ATP9A: variants seen among roughly 807,000 people sequenced by gnomAD.
ATP9A encodes the protein ATPase phospholipid transporting 9A.
In ATP9A, 52 loss-of-function variants were observed where a neutral mutation model predicts 144.1. The observed-to-expected ratio is 0.36, with a 90% CI of 0.29 to 0.45. The LOEUF (loss-of-function observed/expected upper bound fraction) is 0.45. ATP9A is among the 20% of genes least tolerant of loss of function. ATP9A has a pLI of 1.00. For synonymous variants in ATP9A, 582 were observed against 557.4 expected (o/e 1.04, Z -0.62); for missense variants, 947 against 1,392.7 (o/e 0.68, Z 5.09).
intron 13 of ATP9A, among the ~76,000 whole-genome samples, chr20:51,658,908 C>T (rs796705103): frequency 5.5e-5 from 5 of 91,550 alleles, no homozygotes; most frequent in African/African-American, 2.4e-4. Context: ...GGGGGGAAGG[C>T]TCATTGTTGA....
chr20:51,707,935 G>A (rs79139308), intron 4 of ATP9A, among the ~76,000 whole-genome samples: 1,779 of 151,966 alleles, frequency 0.012, 41 homozygotes, highest in African/African-American at 0.041. Flanking sequence ...ATGTGATCAT[G>A]GCTTACTGCA....
chr20:51,614,992 T>TA (rs758303927), intron 22 of ATP9A, among the ~76,000 whole-genome samples: 3 of 145,884 alleles, frequency 2.1e-5, no homozygotes, highest in Non-Finnish European at 4.5e-5. Flanking sequence ...TGAGCATGAA[T>TA]ATTATCCAGT....
At chr20:51,631,590 C>T (rs997544635) in intron 15 of ATP9A, among the ~76,000 whole-genome samples, 2 of 152,186 alleles carry the variant, frequency 1.3e-5, no homozygotes, top group African/African-American at 2.4e-5. Context: ...AAGTTTATTT[C>T]GTTCCCATAT....
chr20:51,654,949 T>C (rs1011760281), intron 14 of ATP9A, among the ~76,000 whole-genome samples: 2 of 152,180 alleles, frequency 1.3e-5, no homozygotes, highest in African/African-American at 2.4e-5. Context: ...TGGGGCTGTC[T>C]TGTTAGCACT....
intron 13 of ATP9A, among the ~76,000 whole-genome samples, chr20:51,660,891 G>A (rs763087720): frequency 2.0e-4 from 30 of 152,124 alleles, no homozygotes; most frequent in Non-Finnish European, 3.5e-4. Context: ...AAACAGATGT[G>A]GCATCCACAG....
At chr20:51,746,706 G>C (rs1363308438) in intron 1 of ATP9A, among the ~76,000 whole-genome samples, 2 of 152,230 alleles carry the variant, frequency 1.3e-5, no homozygotes, top group Admixed American at 1.3e-4. Flanking sequence ...GGACATGGTG[G>C]GGGACACCTG....
intron 14 of ATP9A, among the ~76,000 whole-genome samples, chr20:51,641,216 G>A (rs935865272): frequency 6.6e-6 from 1 of 151,776 alleles, no homozygotes; most frequent in African/African-American, 2.4e-5. Flanking sequence ...AAAATTAGCC[G>A]GAGGTGGTGG....
At position 51,598,652 on chromosome 20, in the gene ATP9A, C is replaced by G. The variant is rs995771416; in HGVS notation, c.*2559G>C. On this transcript the variant is annotated 3_prime_UTR_variant, in exon 28 of 28. Transcript: ENST00000338821. ...AGATGACCTCCGAGAAGTACCCAGG[C>G]GCCCCTGGGGTTCTCTGCTGGGCTT... 1.3e-5 allele frequency: 2 copies of G among 152,150 alleles called. No individual in the cohort carries two copies. The highest frequency in any genetic ancestry group is 4.8e-5 in the African/African-American group (2 of 41,422). 9.4% of individuals were successfully genotyped at this position (152,150 alleles called of 1,614,324 possible). A position where few individuals can be genotyped will look rare whatever the true frequency, so the allele number is the denominator to read the frequency against.
intron 1 of ATP9A, among the ~76,000 whole-genome samples, chr20:51,760,524 C>T (rs559006769): frequency 1.5e-4 from 22 of 150,348 alleles, no homozygotes; most frequent in African/African-American, 4.6e-4. Context: ...GTCAGGAGTT[C>T]GAGACTAGCC....
intron 14 of ATP9A, among the ~76,000 whole-genome samples, chr20:51,650,586 G>A (rs1006203726): frequency 2.6e-5 from 4 of 151,736 alleles, no homozygotes; most frequent in African/African-American, 9.7e-5. Flanking sequence ...GAAGCGTGAG[G>A]GTAATTCTAA....
intron 1 of ATP9A, among the ~76,000 whole-genome samples, chr20:51,764,318 C>G (rs2077894657): frequency 6.6e-6 from 1 of 152,232 alleles, no homozygotes; most frequent in Admixed American, 6.5e-5. Context: ...GAGCTCCATT[C>G]AGCCATAAGC....
At chr20:51,753,243 T>G (rs965166412) in intron 1 of ATP9A, among the ~76,000 whole-genome samples, 8 of 152,300 alleles carry the variant, frequency 5.3e-5, no homozygotes, top group African/African-American at 1.7e-4. Context: ...ATGCTGTCAT[T>G]CAAAATGTCA....
chr20:51,684,824 C>T (rs1464850877), intron 9 of ATP9A, among the ~76,000 whole-genome samples: 1 of 150,856 alleles, frequency 6.6e-6, no homozygotes, highest in Non-Finnish European at 1.5e-5. Flanking sequence ...TCCTGGCTAA[C>T]AAGGTGAAAC....
Position 51,696,139 on chromosome 20 carries a change from C to G in ATP9A, c.501G>C (p.Gln167His). ...VGDLIIVEKN[Q>H]RVPADMIFLR... ...GGAAGATCATGTCGGCAGGGACCCG[C>G]TGGTTCTGTGTTATGAAAAGAAAGA... The change falls in exon 6 of 28, where the codon CAG becomes CAC. Residue 167 changes from glutamine (Q) to histidine (H), a missense_variant. Coordinates refer to ENST00000338821, the MANE Select transcript of ATP9A (RefSeq NM_006045.3). 6.2e-7 allele frequency: 1 copy of G among 1,613,826 alleles called. No homozygotes were observed. Among genetic ancestry groups the G allele is most frequent in the Non-Finnish European group, 8.5e-7 (1 of 1,179,772 alleles).
At chr20:51,669,902 G>A in intron 13 of ATP9A, 95 bp downstream of exon 13, 1 of 845,790 alleles carries the variant, frequency 1.2e-6, no homozygotes, top group Non-Finnish European at 2.0e-6. Flanking sequence ...TCTTGAAATG[G>A]GTGAATTGTA....
In ATP9A at chr20:51,700,829, TCAAAAAATAGAAAACAGAGAGGGAG is replaced by T. The variant is rs2077590344; in HGVS notation, c.437-3372_437-3348del. 5.3e-5 allele frequency among the ~76,000 whole-genome samples: 8 copies of T among 152,094 alleles called. 1 individual carries two copies. The highest frequency in any genetic ancestry group is 5.2e-4 in the Admixed American group (8 of 15,264). Reference sequence around the variant, plus strand: ...TGGGCAACAAGAGCGAAACTCCGTCTCAAAAAATAGAAAACAGAGAGGGAGCGAAAGAAAGAGAGAAATGGGTAAA... The same window carrying T: ...TGGGCAACAAGAGCGAAACTCCGTCTCGAAAGAAAGAGAGAAATGGGTAAA... On this transcript the variant is annotated intron_variant, in intron 4 of 27. Coordinates refer to ENST00000338821, the MANE Select transcript of ATP9A (RefSeq NM_006045.3).
intron 4 of ATP9A, among the ~76,000 whole-genome samples, chr20:51,705,874 G>A (rs2077612702): frequency 6.6e-6 from 1 of 152,146 alleles, no homozygotes; most frequent in South Asian, 2.1e-4. Flanking sequence ...ACATCTCCAA[G>A]ATCTTCTCCT....
intron 13 of ATP9A, among the ~76,000 whole-genome samples, chr20:51,659,962 C>T (rs1167299506): frequency 6.6e-6 from 1 of 152,054 alleles, no homozygotes; most frequent in Non-Finnish European, 1.5e-5. Flanking sequence ...ATCAGAACTC[C>T]GGTTTAAATG....
chr20:51,740,073 T>C (rs2077778458), intron 1 of ATP9A, among the ~76,000 whole-genome samples: 1 of 152,130 alleles, frequency 6.6e-6, no homozygotes, highest in Non-Finnish European at 1.5e-5. Flanking sequence ...TTTATTTATT[T>C]AGAGACAGGG....
Sources: gnomAD v4.1 joint callset for allele counts (sites outside exome capture counted in the v4.1 genomes callset) on GRCh38, gnomAD v4.1.1 for gene constraint, MANE v1.5 for transcripts, NCBI Gene and HGNC (gene_info 2026-07-23, HGNC 2026-07-21) for gene names.